MYO1D: variants seen among roughly 807,000 people sequenced by gnomAD.
MYO1D encodes the protein myosin ID.
MYO1D carries 83 observed loss-of-function variants against 122.0 expected under a neutral mutation model. The observed-to-expected ratio is 0.68, with a 90% CI of 0.57 to 0.82. The LOEUF (loss-of-function observed/expected upper bound fraction) is 0.82, where lower values mean the gene tolerates loss of function less well. Ranked by LOEUF, MYO1D falls within the 40% of genes least tolerant of loss-of-function variation. The pLI is 0.00. For synonymous variants in MYO1D, 464 were observed against 446.9 expected (o/e 1.04, Z -0.48); for missense variants, 1,157 against 1,269.5 (o/e 0.91, Z 1.35).
chr17:32,556,207 G>A (rs1280016190), intron 21 of MYO1D, among the ~76,000 whole-genome samples: 1 of 152,136 alleles, frequency 6.6e-6, no homozygotes, highest in Non-Finnish European at 1.5e-5. Flanking sequence ...TGCTGCCATG[G>A]GACTCCCAAT....
At chr17:32,495,733 C>A (rs1415106409) in intron 21 of MYO1D, 1 of 152,344 alleles carries the variant, frequency 6.6e-6, no homozygotes, top group East Asian at 1.9e-4. Context: ...CCAATGTTTG[C>A]TCACACAGGC....
At chr17:32,657,096 C>T (rs952178907) in intron 17 of MYO1D, among the ~76,000 whole-genome samples, 2 of 152,278 alleles carry the variant, frequency 1.3e-5, no homozygotes, top group Non-Finnish European at 2.9e-5. Context: ...ACAGCTGCAG[C>T]CATAAAAATC....
intron 1 of MYO1D, among the ~76,000 whole-genome samples, chr17:32,789,296 G>A (rs2090327728): frequency 6.6e-6 from 1 of 152,054 alleles, no homozygotes; most frequent in Non-Finnish European, 1.5e-5. Context: ...AGGACTTCTA[G>A]TACTATGTTG....
At chr17:32,671,299 C>T (rs1450908706) in intron 16 of MYO1D, among the ~76,000 whole-genome samples, 2 of 152,212 alleles carry the variant, frequency 1.3e-5, no homozygotes, top group East Asian at 3.9e-4. Context: ...ATCCCATACT[C>T]GCTCGCCCAC....
chr17:32,578,392 C>A (rs7209983), intron 21 of MYO1D, among the ~76,000 whole-genome samples: 2 of 152,004 alleles, frequency 1.3e-5, no homozygotes, highest in Non-Finnish European at 2.9e-5. Flanking sequence ...ACTACTTTCA[C>A]CTGATAGAAT....
At chr17:32,689,435 C>T (rs577139718) in intron 16 of MYO1D, among the ~76,000 whole-genome samples, 2 of 152,134 alleles carry the variant, frequency 1.3e-5, no homozygotes, top group South Asian at 2.1e-4. Flanking sequence ...GAATAGATAG[C>T]GATGTTTGAC....
intron 21 of MYO1D, among the ~76,000 whole-genome samples, chr17:32,551,963 G>C (rs2085395640): frequency 6.6e-6 from 1 of 152,202 alleles, no homozygotes; most frequent in African/African-American, 2.4e-5. Flanking sequence ...AAGTCCACCT[G>C]TTCTTCCCTA....
chr17:32,541,804 T>C (rs4795706), intron 21 of MYO1D, among the ~76,000 whole-genome samples: 94,153 of 151,912 alleles, frequency 0.62, 30,325 homozygotes, highest in African/African-American at 0.77. Context: ...ATCTCTAACC[T>C]CCTTTTCATC....
chr17:32,686,098 A>G (rs573986482), intron 16 of MYO1D, among the ~76,000 whole-genome samples: 38 of 152,296 alleles, frequency 2.5e-4, no homozygotes, highest in African/African-American at 9.1e-4. Context: ...ATCATCATCT[A>G]CAGATCTGTG....
chr17:32,872,516 C>T (rs1025828721), intron 1 of MYO1D, among the ~76,000 whole-genome samples: 2 of 151,936 alleles, frequency 1.3e-5, no homozygotes, highest in Admixed American at 6.6e-5. Flanking sequence ...CCTCATGATC[C>T]GCCCGCCTCA....
chr17:32,694,573 C>T (rs566691810), intron 16 of MYO1D, among the ~76,000 whole-genome samples: 553 of 151,420 alleles, frequency 3.7e-3, no homozygotes, highest in Admixed American at 6.4e-3. Flanking sequence ...CGGTGGCGGG[C>T]GCCTGTAGTC....
intron 14 of MYO1D, among the ~76,000 whole-genome samples, chr17:32,738,002 T>C (rs573126439): frequency 6.6e-6 from 1 of 152,350 alleles, no homozygotes; most frequent in South Asian, 2.1e-4. Flanking sequence ...ATCCAAGATT[T>C]TTCCCTTGAC....
chr17:32,544,597 C>T (rs534341596), intron 21 of MYO1D, among the ~76,000 whole-genome samples: 111 of 152,294 alleles, frequency 7.3e-4, no homozygotes, highest in Middle Eastern at 6.8e-3. Context: ...CTTCTCTCTT[C>T]CCCATTGTTA....
At chr17:32,641,364 T>C (rs2088198241) in intron 19 of MYO1D, among the ~76,000 whole-genome samples, 1 of 152,090 alleles carries the variant, frequency 6.6e-6, no homozygotes, top group African/African-American at 2.4e-5. Flanking sequence ...GTTCCAAGTC[T>C]TTGCTATTGT....
At chr17:32,584,187 G>C (rs546780585) in intron 21 of MYO1D, among the ~76,000 whole-genome samples, 1 of 152,072 alleles carries the variant, frequency 6.6e-6, no homozygotes, top group Non-Finnish European at 1.5e-5. Flanking sequence ...CCCAAATCTC[G>C]CTTCTATCTA....
intron 21 of MYO1D, among the ~76,000 whole-genome samples, chr17:32,563,220 T>TC (rs1426334409): frequency 0.022 from 3,210 of 142,706 alleles, 79 homozygotes; most frequent in Middle Eastern, 0.068. Flanking sequence ...TTTTTTTTTT[T>TC]TTTTTTTGAG....
intron 19 of MYO1D, among the ~76,000 whole-genome samples, chr17:32,640,287 G>T (rs1477869526): frequency 6.6e-6 from 1 of 152,156 alleles, no homozygotes; most frequent in Non-Finnish European, 1.5e-5. Flanking sequence ...TTGAAACACA[G>T]TGAGTGAAGA....
chr17:32,675,178 TATC>T (rs2088789401), intron 16 of MYO1D, among the ~76,000 whole-genome samples: 1 of 152,222 alleles, frequency 6.6e-6, no homozygotes, highest in Non-Finnish European at 1.5e-5. Flanking sequence ...GTGCATGGTT[TATC>T]ATAACAGTGG....
intron 1 of MYO1D, among the ~76,000 whole-genome samples, chr17:32,805,063 T>A (rs566927607): frequency 6.6e-5 from 10 of 152,326 alleles, no homozygotes; most frequent in African/African-American, 2.4e-4. Context: ...ATAAGGGTTC[T>A]ACCCCCATGA....
Sources: gnomAD v4.1 joint callset for allele counts (sites outside exome capture counted in the v4.1 genomes callset) on GRCh38, gnomAD v4.1.1 for gene constraint, MANE v1.5 for transcripts, NCBI Gene and HGNC (gene_info 2026-07-23, HGNC 2026-07-21) for gene names.